Variants in CPT1A observed in about 807,000 individuals in gnomAD.
CPT1A encodes the protein carnitine O-palmitoyltransferase 1, liver isoform.
CPT1A carries 64 observed loss-of-function variants against 100.8 expected under a neutral mutation model. The observed-to-expected ratio is 0.63, with a 90% CI of 0.52 to 0.78. The LOEUF is 0.78. Ranked by LOEUF, CPT1A falls within the 30% of genes least tolerant of loss-of-function variation. The pLI is 0.00. For missense variants in CPT1A, 802 were observed against 1,034.1 expected (o/e 0.78, Z 3.08); for synonymous variants, 363 against 396.0 (o/e 0.92, Z 0.99).
chr11:68,787,161 G>A (rs542632966), intron 9 of CPT1A, among the ~76,000 whole-genome samples: 1 of 152,294 alleles, frequency 6.6e-6, no homozygotes, highest in South Asian at 2.1e-4. Context: ...TAGTGGCTGG[G>A]TGCAGTGACT....
intron 9 of CPT1A, among the ~76,000 whole-genome samples, chr11:68,788,630 T>TAAAAAAAAAAAAAAAAAAAA: frequency 3.6e-5 from 1 of 27,548 alleles, no homozygotes; most frequent in Non-Finnish European, 6.2e-5. Context: ...CAAACAAAAG[T>TAAAAAAAAAAAAAAAAAAAA]AAAAAAAAAA....
chr11:68,783,659 G>C (rs558054873), intron 10 of CPT1A, among the ~76,000 whole-genome samples: 43 of 152,322 alleles, frequency 2.8e-4, no homozygotes, highest in African/African-American at 9.1e-4. Context: ...CCTGATGCTG[G>C]GCAATGTCTG....
chr11:68,801,990 A>C (rs952603413), intron 5 of CPT1A, among the ~76,000 whole-genome samples: 3 of 152,196 alleles, frequency 2.0e-5, no homozygotes, highest in Non-Finnish European at 4.4e-5. Flanking sequence ...TCCATCCTAC[A>C]ACACGGGTGA....
intron 11 of CPT1A, 133 bp from the exon 12 acceptor site, chr11:68,780,878 A>C: frequency 2.8e-6 from 2 of 721,286 alleles, no homozygotes; most frequent in Non-Finnish European, 5.1e-6. Flanking sequence ...GCAGACACTC[A>C]GTCTCTGTGG....
intron 6 of CPT1A, among the ~76,000 whole-genome samples, chr11:68,798,628 G>T (rs1313661522): frequency 1.3e-5 from 2 of 152,064 alleles, no homozygotes; most frequent in African/African-American, 4.8e-5. Context: ...CTCAACCCCA[G>T]GGAGGGGCGA....
At chr11:68,828,107 G>T (rs1421437083) in intron 1 of CPT1A, among the ~76,000 whole-genome samples, 1 of 152,184 alleles carries the variant, frequency 6.6e-6, no homozygotes, top group African/African-American at 2.4e-5. Flanking sequence ...CCTTATGCCT[G>T]CCCTGCCCTG....
At chr11:68,772,393 GACTTGTGCT>G (rs1855014924) in intron 14 of CPT1A, among the ~76,000 whole-genome samples, 1 of 152,130 alleles carries the variant, frequency 6.6e-6, no homozygotes, top group South Asian at 2.1e-4. Flanking sequence ...ATGCCACGAT[GACTTGTGCT>G]GCCCCCAGAA....
chr11:68,840,000 C>T (rs187903810), intron 1 of CPT1A, among the ~76,000 whole-genome samples: 2 of 152,332 alleles, frequency 1.3e-5, no homozygotes, highest in East Asian at 3.9e-4. Context: ...CCAAACCTGG[C>T]CCTTTTTATT....
At chr11:68,838,960 C>T (rs1189607717) in intron 1 of CPT1A, among the ~76,000 whole-genome samples, 1 of 152,188 alleles carries the variant, frequency 6.6e-6, no homozygotes, top group Non-Finnish European at 1.5e-5. Flanking sequence ...AAGCTCAAGA[C>T]TGGCAGAAGA....
chr11:68,840,613 A>T (rs563517910), intron 1 of CPT1A, among the ~76,000 whole-genome samples: 1 of 152,346 alleles, frequency 6.6e-6, no homozygotes, highest in East Asian at 1.9e-4. Context: ...TTAACCTGGT[A>T]GGTAGTTGGG....
intron 1 of CPT1A, among the ~76,000 whole-genome samples, chr11:68,833,850 G>A (rs986754614): frequency 1.3e-5 from 2 of 152,122 alleles, no homozygotes; most frequent in African/African-American, 2.4e-5. Flanking sequence ...AAAGGTGAAG[G>A]ATTTTCATTA....
chr11:68,812,872 G>T (rs1382308012), intron 2 of CPT1A, among the ~76,000 whole-genome samples: 1 of 152,002 alleles, frequency 6.6e-6, no homozygotes, highest in Admixed American at 6.6e-5. Flanking sequence ...TAGTTTAGCT[G>T]GTGAAGGACG....
intron 10 of CPT1A, among the ~76,000 whole-genome samples, chr11:68,783,267 C>T (rs985052938): frequency 6.6e-6 from 1 of 151,970 alleles, no homozygotes; most frequent in African/African-American, 2.4e-5. Context: ...TTAACCTACT[C>T]ATGCACCCCC....
chr11:68,811,150 C>G (rs972143100), intron 3 of CPT1A, among the ~76,000 whole-genome samples: 24 of 152,150 alleles, frequency 1.6e-4, no homozygotes, highest in Admixed American at 7.2e-4. Context: ...TAGCTTAGCC[C>G]AGACCCGGCA....
rs976304389 is a variant in CPT1A, at chr11:68,754,904, G to A, written c.*2740C>T. 1 of 775,800 alleles carries A rather than the reference G, an allele frequency of 1.3e-6. No individual in the cohort carries two copies. Among genetic ancestry groups the A allele is most frequent in the Non-Finnish European group, 2.4e-6 (1 of 414,520 alleles). 48.1% of individuals were successfully genotyped at this position (775,800 alleles called of 1,614,324 possible). ...AATCTTGTAGTAGACTGGGGTTAAT[G>A]TTTTATTAATGATAACCTACATTCA... On this transcript the variant is annotated 3_prime_UTR_variant, in exon 19 of 19. Transcript: ENST00000265641.
At chr11:68,778,463 G>C (rs188165225) in intron 12 of CPT1A, among the ~76,000 whole-genome samples, 1 of 152,250 alleles carries the variant, frequency 6.6e-6, no homozygotes, top group East Asian at 1.9e-4. Context: ...AAGGCCAGGC[G>C]TGGTGGCTCA....
intron 1 of CPT1A, among the ~76,000 whole-genome samples, chr11:68,833,140 A>C (rs1445473714): frequency 6.6e-6 from 1 of 152,124 alleles, no homozygotes; most frequent in Non-Finnish European, 1.5e-5. Context: ...GGTGGCAAAA[A>C]TCTGGCCTGG....
intron 14 of CPT1A, among the ~76,000 whole-genome samples, chr11:68,764,878 C>T (rs1477509165): frequency 6.6e-6 from 1 of 152,270 alleles, no homozygotes; most frequent in Non-Finnish European, 1.5e-5. Context: ...CTAAGCAGCA[C>T]TTGCAGTGAG....
At chr11:68,831,973 C>A (rs956973160) in intron 1 of CPT1A, among the ~76,000 whole-genome samples, 1 of 152,108 alleles carries the variant, frequency 6.6e-6, no homozygotes, top group Non-Finnish European at 1.5e-5. Flanking sequence ...ATATGCTAGA[C>A]AATGTGACCC....
Sources: gnomAD v4.1 joint callset for allele counts (sites outside exome capture counted in the v4.1 genomes callset) on GRCh38, gnomAD v4.1.1 for gene constraint, MANE v1.5 for transcripts, NCBI Gene and HGNC (gene_info 2026-07-23, HGNC 2026-07-21) for gene names.